ZBTB41: variants seen among roughly 807,000 people sequenced by gnomAD.
ZBTB41 encodes zinc finger and BTB domain containing 41.
Under a neutral mutation model 87.6 loss-of-function variants are expected in ZBTB41, and 42 were observed. The observed-to-expected ratio is 0.48, with a 90% CI of 0.37 to 0.62. The LOEUF (loss-of-function observed/expected upper bound fraction) is 0.62, where lower values mean the gene tolerates loss of function less well. Ranked by LOEUF, ZBTB41 falls within the 20% of genes least tolerant of loss-of-function variation. The pLI is 0.00. For missense variants in ZBTB41, 799 were observed against 1,078.9 expected, an observed-to-expected ratio of 0.74 and a Z score of 3.63; for synonymous variants, 364 against 364.0, an observed-to-expected ratio of 1.00 and a Z score of 0.00.
At chr1:197,190,926 G>C in intron 3 of ZBTB41, 95 bp from the exon 4 acceptor site, 1 of 733,086 alleles carries the variant, frequency 1.4e-6, no homozygotes, top group Non-Finnish European at 2.2e-6. Context: ...CCAGGATCAA[G>C]TACTGATTCC....
chr1:197,190,907 C>G, intron 3 of ZBTB41, 76 bp from the exon 4 acceptor site: 1 of 914,548 alleles, frequency 1.1e-6, no homozygotes, highest in African/African-American at 1.7e-5. Context: ...AATATGTTGA[C>G]AGTAATTACC....
At chr1:197,196,358 T>G (rs780034511) in intron 2 of ZBTB41, among the ~76,000 whole-genome samples, 2 of 152,196 alleles carry the variant, frequency 1.3e-5, no homozygotes, top group African/African-American at 2.4e-5. Context: ...CTTTTCATTC[T>G]ACTCATCACC....
chr1:197,188,226 G>C (rs901629209), intron 5 of ZBTB41, 66 bp downstream of exon 5: 14 of 1,550,310 alleles, frequency 9.0e-6, no homozygotes, highest in Admixed American at 2.0e-5. Context: ...GCTATAGAAG[G>C]CTCCTCCAGC....
chr1:197,163,636 AAC>A lies in ZBTB41; in HGVS notation c.2075-3624_2075-3623del, dbSNP rs10640606. Among the ~76,000 whole-genome samples the A allele has an allele frequency of 4.9e-3, 724 of 148,156 alleles. 6 individuals carry two copies. The highest frequency in any genetic ancestry group is 0.01 in the Middle Eastern group (3 of 286). The stretch of plus-strand genomic sequence containing the variant: ...ACACTATAAACCTCACAAAATACAA[AAC>A]ACACACACACACACACACACAGAAA... On this transcript the variant is annotated intron_variant, in intron 10 of 10. Coordinates refer to ENST00000367405, the MANE Select transcript of ZBTB41 (RefSeq NM_194314.3).
intron 9 of ZBTB41, among the ~76,000 whole-genome samples, chr1:197,173,063 T>C (rs1261623979): frequency 6.6e-6 from 1 of 152,090 alleles, no homozygotes. Context: ...AAAATTTTAT[T>C]GTGAGAATTG....
Position 197,178,582 on chromosome 1 carries a change from TACTA to T in ZBTB41, c.1677-74_1677-71del, listed in dbSNP as rs1418579398. ...ATAGTAAATAGATTTCTGGAAAACT[TACTA>T]GAAAGGTATTCAAGCTAACTGATAT... On this transcript the variant is annotated intron_variant, in intron 6 of 10. Transcript: ENST00000367405. The T allele has an allele frequency of 3.6e-6, 4 of 1,105,522 alleles. No homozygotes were observed. The East Asian group carries it at 1.1e-4, about 31-fold the overall frequency. The allele number at this position is 1,105,522 out of a possible 1,614,324, so 68.5% of individuals were successfully genotyped here. A position where few individuals can be genotyped will look rare whatever the true frequency, so the allele number is the denominator to read the frequency against.
At chr1:197,172,680 A>G (rs1361957164) in intron 9 of ZBTB41, among the ~76,000 whole-genome samples, 1 of 152,076 alleles carries the variant, frequency 6.6e-6, no homozygotes, top group Non-Finnish European at 1.5e-5. Context: ...CCATATCTTA[A>G]TTGTGGTGAT....
At chr1:197,178,983 C>A (rs1659678462) in intron 6 of ZBTB41, among the ~76,000 whole-genome samples, 1 of 152,174 alleles carries the variant, frequency 6.6e-6, no homozygotes, top group Middle Eastern at 3.4e-3. Flanking sequence ...GAAAAAGGAA[C>A]CTATATACAG....
chr1:197,159,607 T>C lies in ZBTB41; in HGVS notation c.2482A>G (p.Thr828Ala), dbSNP rs369802586. The change falls in exon 11 of 11, where the codon ACT becomes GCT. Residue 828 changes from threonine to alanine, a missense_variant. Thr to Ala is a moderately conservative substitution (Grantham distance 58). Around this residue, in one of 5 missense-constraint regions of ZBTB41, gnomAD observed 171 missense variants for 191.9 expected, o/e 0.89. Coordinates refer to ENST00000367405, the MANE Select transcript of ZBTB41 (RefSeq NM_194314.3). ...PDTPSDLVRH[T>A]TTLPPSSHEI... Reference sequence around the variant, plus strand: ...TGAGAAGATGGTGGGAGTGTGGTAGTATGACGCACTAGGTCACTCGGAGTG... The same window carrying C: ...TGAGAAGATGGTGGGAGTGTGGTAGCATGACGCACTAGGTCACTCGGAGTG... 1.2e-5 allele frequency: 19 copies of C among 1,613,870 alleles called. No homozygotes were observed. In the African/African-American group the frequency reaches 2.1e-4, roughly 18 times the overall value.
At chr1:197,194,746 T>C (rs972926722) in intron 2 of ZBTB41, among the ~76,000 whole-genome samples, 3 of 152,012 alleles carry the variant, frequency 2.0e-5, no homozygotes, top group African/African-American at 7.2e-5. Context: ...AGCAGACCAA[T>C]GATAATACAG....
At chr1:197,179,577 A>G (rs1435321382) in intron 6 of ZBTB41, among the ~76,000 whole-genome samples, 2 of 152,054 alleles carry the variant, frequency 1.3e-5, no homozygotes, top group African/African-American at 4.8e-5. Flanking sequence ...TTCTAGAGGT[A>G]TTCTCTAAGA....
At chr1:197,194,618 G>GAAAAAAAAAAAAAAA (rs71131750) in intron 2 of ZBTB41, among the ~76,000 whole-genome samples, 1 of 135,824 alleles carries the variant, frequency 7.4e-6, no homozygotes, top group African/African-American at 2.7e-5. Flanking sequence ...ATTTAAGCAA[G>GAAAAAAAAAAAAAAA]AAAAAAAAAA....
At chr1:197,188,050 C>T (rs373560944) in intron 5 of ZBTB41, among the ~76,000 whole-genome samples, 6 of 152,078 alleles carry the variant, frequency 3.9e-5, no homozygotes, top group African/African-American at 1.4e-4. Context: ...GTAGGTTCTT[C>T]GATTGTAACA....
intron 9 of ZBTB41, 28 bp from the exon 10 acceptor site, chr1:197,172,276 T>A (rs1659501050): frequency 4.7e-6 from 4 of 848,568 alleles, no homozygotes; most frequent in Non-Finnish European, 6.6e-6. Context: ...TTTGAGTTTT[T>A]CAATATAATT....
intron 6 of ZBTB41, among the ~76,000 whole-genome samples, chr1:197,180,516 T>C (rs1166751310): frequency 6.6e-6 from 1 of 151,486 alleles, no homozygotes; most frequent in Non-Finnish European, 1.5e-5. Context: ...AATATGACAG[T>C]CTGTAGATAA....
At position 197,159,269 on chromosome 1, in the gene ZBTB41, C is replaced by G. The variant is rs1426720073; in HGVS notation, c.*90G>C. ...TGAGGACTTGAGAAACTAGAGAAAA[C>G]AAGAAAATAGCAGCCCCACAAATTT... On this transcript the variant is annotated 3_prime_UTR_variant, in exon 11 of 11. Coordinates refer to ENST00000367405, the MANE Select transcript of ZBTB41 (RefSeq NM_194314.3). 1 of 1,325,294 alleles carries G rather than the reference C, an allele frequency of 7.5e-7. No homozygotes were observed. Among genetic ancestry groups the G allele is most frequent in the South Asian group, 1.4e-5 (1 of 71,574 alleles). 82.1% of individuals were successfully genotyped at this position (1,325,294 alleles called of 1,614,324 possible).
Position 197,191,485 on chromosome 1 carries a change from G to A in ZBTB41, c.1328+207C>T, listed in dbSNP as rs117868561. Among the ~76,000 whole-genome samples, 152 of 135,728 alleles carry A rather than the reference G, an allele frequency of 1.1e-3. 3 individuals carry two copies. In the East Asian group the frequency reaches 0.026, roughly 23 times the overall value. 89.0% of individuals were successfully genotyped at this position (135,728 alleles called of 152,430 possible). A position where few individuals can be genotyped will look rare whatever the true frequency, so the allele number is the denominator to read the frequency against. On this transcript the variant is annotated intron_variant, in intron 3 of 10. Coordinates refer to ENST00000367405, the MANE Select transcript of ZBTB41 (RefSeq NM_194314.3). ...AAAAAAAAAAAAAAAAAAAGAGAAA[G>A]AAACTTATCAGAGTATAAAAACCAC...
intron 10 of ZBTB41, among the ~76,000 whole-genome samples, chr1:197,169,197 A>C (rs892500454): frequency 6.6e-6 from 1 of 152,082 alleles, no homozygotes; most frequent in Non-Finnish European, 1.5e-5. Flanking sequence ...ACATATGCAT[A>C]TCCTATGAGC....
chr1:197,188,427 A>G lies in ZBTB41; in HGVS notation c.1411T>C (p.Ser471Pro). The G allele has an allele frequency of 6.3e-7, 1 of 1,599,194 alleles. No individual in the cohort carries two copies. Among genetic ancestry groups the G allele is most frequent in the Non-Finnish European group, 8.5e-7 (1 of 1,175,628 alleles). The stretch of plus-strand genomic sequence containing the variant: ...TCCAAGTGTGGTCTTCGAGTAAAAG[A>G]TTTCTTACAAATCTAAATTAAAATG... ...ESWKCDICKK[S>P]FTRRPHLEEH... is the part of the protein sequence containing the mutation. Residue 471 changes from serine (S) to proline (P), a missense_variant, in exon 5 of 11, where the codon TCT (serine) becomes CCT (proline). This residue lies in a region of ZBTB41 where 198 missense variants were observed against 358.4 expected (regional missense o/e 0.55). Transcript: ENST00000367405.
Sources: allele counts gnomAD v4.1 joint callset (sites outside exome capture counted in the v4.1 genomes callset), GRCh38; gene constraint gnomAD v4.1.1; regional missense constraint gnomAD v4.1.1; transcripts MANE v1.5; gene names NCBI Gene and HGNC (gene_info 2026-07-23, HGNC 2026-07-21).